INSL6: variants seen among roughly 807,000 people sequenced by gnomAD.
INSL6 encodes the protein insulin-like peptide INSL6.
A neutral mutation model predicts 9.4 loss-of-function variants in INSL6; 16 were observed. That is an observed-to-expected ratio of 1.70 (90% CI 1.15 to 2.59). The LOEUF is 2.59. Among genes scored for constraint, INSL6 ranks in the 30% most tolerant of loss-of-function variants. INSL6 has a pLI of 0.00. For synonymous variants in INSL6, 154 were observed against 96.9 expected (o/e 1.59, Z -3.46); for missense variants, 391 against 257.3 (o/e 1.52, Z -3.56).
At chr9:5,068,920 G>T in the INSL6 span, 1 of 681,486 alleles carries the variant, frequency 1.5e-6, no homozygotes. Flanking sequence ...TGGTTCAAAT[G>T]TTTATTCTGT....
the INSL6 span, among the ~76,000 whole-genome samples, chr9:5,021,041 C>G: frequency 6.6e-6 from 1 of 152,120 alleles, no homozygotes; most frequent in Non-Finnish European, 1.5e-5. Flanking sequence ...AGTTGACGGG[C>G]TCTCTTGTGT....
chr9:5,068,145 CGA>C, the INSL6 span, among the ~76,000 whole-genome samples: 1 of 132,008 alleles, frequency 7.6e-6, no homozygotes, highest in African/African-American at 3.5e-5. Flanking sequence ...GGCGACAGAG[CGA>C]GACACGGTCT....
intron 1 of INSL6, among the ~76,000 whole-genome samples, chr9:5,173,016 A>C (rs577762652): frequency 2.6e-5 from 4 of 152,226 alleles, no homozygotes; most frequent in Non-Finnish European, 5.9e-5. Flanking sequence ...TTTGAAAAAA[A>C]AGCTCAACAT....
the INSL6 span, among the ~76,000 whole-genome samples, chr9:5,116,063 T>TA: frequency 6.2e-3 from 928 of 150,630 alleles, 7 homozygotes; most frequent in Non-Finnish European, 7.1e-3. Context: ...ATAATAAAAT[T>TA]TAAAAAAAAA....
intron 3 of INSL6, among the ~76,000 whole-genome samples, chr9:5,130,593 G>C (rs951310167): frequency 1.3e-5 from 2 of 152,038 alleles, no homozygotes; most frequent in Non-Finnish European, 1.5e-5. Context: ...AAATGTTTAG[G>C]TGCTTTTCAT....
the INSL6 span, chr9:5,080,283 A>T: frequency 1.9e-6 from 3 of 1,613,718 alleles, no homozygotes; most frequent in Non-Finnish European, 2.5e-6. Flanking sequence ...AATCCTAAAA[A>T]TTTAAATTTG....
At chr9:5,085,704 C>G in the INSL6 span, 2 of 748,988 alleles carry the variant, frequency 2.7e-6, no homozygotes, top group Non-Finnish European at 5.0e-6. Context: ...GTGAACAAGA[C>G]TAGCAGTGTG....
chr9:5,030,078 T>C, the INSL6 span, among the ~76,000 whole-genome samples: 5 of 152,244 alleles, frequency 3.3e-5, no homozygotes, highest in Non-Finnish European at 5.9e-5. Flanking sequence ...AGAAACTGTT[T>C]ATACATGTTG....
chr9:5,061,667 A>C, the INSL6 span, among the ~76,000 whole-genome samples: 1 of 152,240 alleles, frequency 6.6e-6, no homozygotes, highest in African/African-American at 2.4e-5. Flanking sequence ...CTGTATCATC[A>C]ATAAGGCTGT....
At chr9:5,020,858 T>C in the INSL6 span, among the ~76,000 whole-genome samples, 1 of 152,004 alleles carries the variant, frequency 6.6e-6, no homozygotes, top group Non-Finnish European at 1.5e-5. Flanking sequence ...ATGCAGGGGC[T>C]GTTGGGCTCC....
At chr9:5,082,740 C>T in the INSL6 span, among the ~76,000 whole-genome samples, 2 of 152,244 alleles carry the variant, frequency 1.3e-5, no homozygotes, top group Admixed American at 6.5e-5. Flanking sequence ...TTTATTGAGA[C>T]TGGAGAATGG....
At chr9:5,115,148 T>G in the INSL6 span, among the ~76,000 whole-genome samples, 1 of 151,998 alleles carries the variant, frequency 6.6e-6, no homozygotes, top group Non-Finnish European at 1.5e-5. Flanking sequence ...TGGGAAAAAT[T>G]TTTTGCAATC....
At chr9:5,140,948 G>A (rs752899824) in intron 2 of INSL6, among the ~76,000 whole-genome samples, 11 of 151,948 alleles carry the variant, frequency 7.2e-5, no homozygotes, top group Non-Finnish European at 1.2e-4. Context: ...ACTTATAACT[G>A]AGAACATGCG....
chr9:5,051,977 A>C, the INSL6 span, among the ~76,000 whole-genome samples: 2 of 152,114 alleles, frequency 1.3e-5, no homozygotes, highest in East Asian at 1.9e-4. Flanking sequence ...GAAAAAAAAA[A>C]CACATTCATT....
At chr9:5,009,015 C>G in the INSL6 span, among the ~76,000 whole-genome samples, 1 of 152,128 alleles carries the variant, frequency 6.6e-6, no homozygotes, top group Non-Finnish European at 1.5e-5. Flanking sequence ...TCAACTCTTT[C>G]ACTGAATTGT....
the INSL6 span, among the ~76,000 whole-genome samples, chr9:5,057,665 C>G: frequency 6.7e-6 from 1 of 149,484 alleles, no homozygotes. Flanking sequence ...TCACTGTAAC[C>G]TGTGCCTCCT....
chr9:5,070,045 T>C, the INSL6 span: 3 of 1,600,976 alleles, frequency 1.9e-6, no homozygotes, highest in South Asian at 1.1e-5. Flanking sequence ...AATGAAGATT[T>C]GATATTTGTA....
chr9:5,054,059 T>A, the INSL6 span, among the ~76,000 whole-genome samples: 8 of 152,168 alleles, frequency 5.3e-5, no homozygotes, highest in Middle Eastern at 6.8e-3. This position sits in a 1 kb window ranked among gnomAD's most constrained non-coding sequence, Gnocchi z 4.9. Context: ...AAGGAATTAT[T>A]AGGAGTTGAA....
chr9:5,149,686 T>C (rs1824674758), intron 2 of INSL6, among the ~76,000 whole-genome samples: 1 of 137,552 alleles, frequency 7.3e-6, no homozygotes, highest in Admixed American at 7.7e-5. Context: ...TTAAATACAA[T>C]TCCTATCAAA....
Sources: gnomAD v4.1 joint callset for allele counts (sites outside exome capture counted in the v4.1 genomes callset) on GRCh38, gnomAD v4.1.1 for gene constraint, Gnocchi (gnomAD v3.1) non-coding constraint, MANE v1.5 for transcripts, NCBI Gene and HGNC (gene_info 2026-07-23, HGNC 2026-07-21) for gene names.